Variants in MVB12B observed in about 807,000 individuals in gnomAD.
MVB12B encodes multivesicular body subunit 12B, also known as ESCRT-I complex subunit MVB12B.
MVB12B carries 16 observed loss-of-function variants against 41.6 expected under a neutral mutation model. The observed-to-expected ratio is 0.38, with a 90% CI of 0.26 to 0.58. The LOEUF (loss-of-function observed/expected upper bound fraction) is 0.58. MVB12B is among the 20% of genes least tolerant of loss of function. The pLI is 0.62. For missense variants in MVB12B, 274 were observed against 380.2 expected, an observed-to-expected ratio of 0.72 and a Z score of 2.32; for synonymous variants, 133 against 139.7, an observed-to-expected ratio of 0.95 and a Z score of 0.34.
intron 7 of MVB12B, among the ~76,000 whole-genome samples, chr9:126,423,016 C>G (rs1457852740): frequency 1.3e-5 from 2 of 152,158 alleles, no homozygotes; most frequent in African/African-American, 4.8e-5. Flanking sequence ...TGTCTAAGAA[C>G]AGCATCTCCA....
intron 9 of MVB12B, among the ~76,000 whole-genome samples, chr9:126,497,806 C>G (rs1216914582): frequency 1.3e-5 from 2 of 152,234 alleles, no homozygotes; most frequent in Non-Finnish European, 2.9e-5. Context: ...GAAGCAAGGA[C>G]TTCAGCTGGC....
intron 2 of MVB12B, among the ~76,000 whole-genome samples, chr9:126,377,176 G>C (rs1456883165): frequency 5.3e-5 from 8 of 152,216 alleles, no homozygotes; most frequent in African/African-American, 1.7e-4. Context: ...TTCCGCCACT[G>C]CCTGGCCCTA....
intron 4 of MVB12B, among the ~76,000 whole-genome samples, chr9:126,387,080 A>C (rs989579465): frequency 6.6e-6 from 1 of 152,156 alleles, no homozygotes; most frequent in African/African-American, 2.4e-5. Context: ...CCCGTTGAGC[A>C]AACAAGAAAA....
intron 6 of MVB12B, among the ~76,000 whole-genome samples, chr9:126,413,877 G>T (rs937765920): frequency 6.7e-6 from 1 of 149,970 alleles, no homozygotes; most frequent in South Asian, 2.1e-4. Flanking sequence ...GATCAAAGTG[G>T]CAGGTGCCTC....
At chr9:126,359,960 T>C (rs1829985252) in intron 2 of MVB12B, among the ~76,000 whole-genome samples, 1 of 152,158 alleles carries the variant, frequency 6.6e-6, no homozygotes, top group Non-Finnish European at 1.5e-5. Flanking sequence ...TTTTTAAAAT[T>C]TTTTCTTCTG....
At chr9:126,440,271 G>A (rs1287313106) in intron 7 of MVB12B, among the ~76,000 whole-genome samples, 1 of 152,200 alleles carries the variant, frequency 6.6e-6, no homozygotes, top group Non-Finnish European at 1.5e-5. Context: ...CACAGGACAT[G>A]TGCTAACTAG....
intron 9 of MVB12B, among the ~76,000 whole-genome samples, chr9:126,497,712 A>G (rs1216397034): frequency 6.6e-6 from 1 of 152,150 alleles, no homozygotes; most frequent in Non-Finnish European, 1.5e-5. Flanking sequence ...CTCCTAGTGA[A>G]GCACTTTCTC....
At chr9:126,393,624 G>C (rs1485795689) in intron 5 of MVB12B, among the ~76,000 whole-genome samples, 2 of 152,208 alleles carry the variant, frequency 1.3e-5, no homozygotes, top group African/African-American at 4.8e-5. Flanking sequence ...CTAAAATATG[G>C]AGGGGCAGTC....
Position 126,420,176 on chromosome 9 carries a change from G to A in MVB12B, c.663-1678G>A, listed in dbSNP as rs115195538. 3.7e-3 allele frequency among the ~76,000 whole-genome samples: 567 copies of A among 152,260 alleles called. 4 individuals are homozygous for A. The highest frequency in any genetic ancestry group is 0.013 in the African/African-American group (544 of 41,538). ...CAGCACTCAGTTTTTCTTGTTCTCC[G>A]AGCACATGTCACGTTGCACTGTGAT... On this transcript the variant is annotated intron_variant, in intron 6 of 9. Coordinates refer to ENST00000361171, the MANE Select transcript of MVB12B (RefSeq NM_033446.3).
chr9:126,346,336 T>C (rs907418652), intron 2 of MVB12B, among the ~76,000 whole-genome samples: 1 of 152,046 alleles, frequency 6.6e-6, no homozygotes. Flanking sequence ...AACCCAAATA[T>C]GTATTTTTGA....
intron 7 of MVB12B, among the ~76,000 whole-genome samples, chr9:126,457,773 T>A (rs1833012892): frequency 6.6e-6 from 1 of 152,084 alleles, no homozygotes; most frequent in Non-Finnish European, 1.5e-5. Flanking sequence ...GGTATGTGTT[T>A]GGGATTTTAC....
chr9:126,366,681 T>G (rs1830190542), intron 2 of MVB12B, among the ~76,000 whole-genome samples: 1 of 152,212 alleles, frequency 6.6e-6, no homozygotes, highest in South Asian at 2.1e-4. Flanking sequence ...GCATTCAGCT[T>G]TGTTCCTCTC....
At chr9:126,373,573 A>C (rs1476252266) in intron 2 of MVB12B, among the ~76,000 whole-genome samples, 1 of 152,202 alleles carries the variant, frequency 6.6e-6, no homozygotes, top group African/African-American at 2.4e-5. Context: ...GGCTCTCTTG[A>C]AACACCGGTG....
chr9:126,421,236 T>A (rs941924304), intron 6 of MVB12B, among the ~76,000 whole-genome samples: 5 of 152,228 alleles, frequency 3.3e-5, no homozygotes, highest in Admixed American at 1.3e-4. Flanking sequence ...AAGACTGTGC[T>A]GTATCTGTCT....
chr9:126,495,191 C>CCA (rs796331402), intron 9 of MVB12B, among the ~76,000 whole-genome samples: 23 of 131,912 alleles, frequency 1.7e-4, no homozygotes, highest in Admixed American at 9.9e-4. Context: ...GATCCTGTCT[C>CCA]AAAAAAAAAA....
chr9:126,336,766 A>ACACT (rs1228751274), intron 1 of MVB12B, among the ~76,000 whole-genome samples: 2 of 151,746 alleles, frequency 1.3e-5, no homozygotes, highest in Non-Finnish European at 2.9e-5. Context: ...ACACACACAC[A>ACACT]CACACACACA....
In MVB12B at chr9:126,352,766, A is replaced by G. The variant is rs548062559; in HGVS notation, c.204+12136A>G. Reference sequence around the variant, plus strand: ...TTTACTCCATATTCCTGGAAGTGGAAGTACTGGCTTGCTTTAATTTTATGT... The same window carrying G: ...TTTACTCCATATTCCTGGAAGTGGAGGTACTGGCTTGCTTTAATTTTATGT... On this transcript the variant is annotated intron_variant, in intron 2 of 9. Transcript: ENST00000361171. 1.6e-4 allele frequency among the ~76,000 whole-genome samples: 25 copies of G among 152,354 alleles called. No individual in the cohort carries two copies. In the South Asian group the frequency reaches 5.2e-3, roughly 32 times the overall value.
intron 7 of MVB12B, among the ~76,000 whole-genome samples, chr9:126,465,345 C>T: frequency 6.6e-6 from 1 of 152,194 alleles, no homozygotes; most frequent in Non-Finnish European, 1.5e-5. Context: ...TGAAACAATG[C>T]TGATCCCCAG....
rs1314871442 is a variant in MVB12B at position 126,343,787 on chromosome 9, C to T, written c.204+3157C>T. Reference sequence around the variant, plus strand: ...AAAACATTAGCTGGGCGTGGTGGTGCGTGCCTGTAATCCCAGCTACTCGTG... The same window carrying T: ...AAAACATTAGCTGGGCGTGGTGGTGTGTGCCTGTAATCCCAGCTACTCGTG... On this transcript the variant is annotated intron_variant, in intron 2 of 9. Transcript: ENST00000361171. Among the ~76,000 whole-genome samples, 8 of 152,096 alleles carry T rather than the reference C, an allele frequency of 5.3e-5. No homozygotes were observed. The South Asian group carries it at 6.2e-4, about 12-fold the overall frequency.
Sources: gnomAD v4.1 joint callset for allele counts (sites outside exome capture counted in the v4.1 genomes callset) on GRCh38, gnomAD v4.1.1 for gene constraint, MANE v1.5 for transcripts, NCBI Gene and HGNC (gene_info 2026-07-23, HGNC 2026-07-21) for gene names.